The following FGL1 variants were observed in gnomAD, a reference collection of about 807,000 sequenced individuals.
FGL1 encodes the protein fibrinogen-like protein 1.
FGL1 carries 59 observed loss-of-function variants against 43.7 expected under a neutral mutation model. The ratio of observed to expected loss-of-function variants is 1.35; its 90% confidence interval spans 1.10 to 1.68. The LOEUF (loss-of-function observed/expected upper bound fraction) is 1.68. FGL1 is among the 40% of genes most tolerant of loss of function. The pLI, the probability that FGL1 is intolerant of heterozygous loss-of-function variation, is 0.00. For missense variants in FGL1, 596 were observed against 373.0 expected (o/e 1.60, Z -4.92); for synonymous variants, 192 against 126.5 (o/e 1.52, Z -3.48).
At chr8:17,886,592 T>C (rs1034675444) in intron 1 of FGL1, among the ~76,000 whole-genome samples, 2 of 152,014 alleles carry the variant, frequency 1.3e-5, no homozygotes, top group Admixed American at 1.3e-4. Flanking sequence ...ACCCTGTCTC[T>C]ACTAAAAATA....
intron 7 of FGL1, chr8:17,868,250 C>T (rs567285779): frequency 3.5e-5 from 7 of 199,208 alleles, no homozygotes; most frequent in Non-Finnish European, 6.0e-5. Flanking sequence ...TATACATGCT[C>T]TCTCTTTCTT....
At position 17,882,277 on chromosome 8, in the gene FGL1, C is replaced by A; in HGVS notation, c.64-98G>T. The stretch of plus-strand genomic sequence containing the variant: ...ATAAATCAGTGATTCCATTTTGTCT[C>A]CAGTTCCCATTTCAGAATATTATTC... On this transcript the variant is annotated intron_variant, in intron 2 of 7. Transcript: ENST00000427924. 4 of 1,110,334 alleles carry A rather than the reference C, an allele frequency of 3.6e-6. No individual in the cohort carries two copies. In the South Asian group the frequency reaches 7.0e-5, roughly 20 times the overall value. The allele number at this position is 1,110,334 out of a possible 1,614,324, so 68.8% of individuals were successfully genotyped here. A position where few individuals can be genotyped will look rare whatever the true frequency, so the allele number is the denominator to read the frequency against.
rs2053707346 is a variant in FGL1, at chr8:17,891,700, C to T, written c.-18+3747G>A. On this transcript the variant is annotated intron_variant, in intron 1 of 7. Transcript: ENST00000427924. ...GTAAACCTGAATTAGAATTGTAGAA[C>T]TTCCCAGGATCTGTTATTGTAATTT... 8.1e-6 allele frequency: 8 copies of T among 985,108 alleles called. 1 individual carries two copies. In the Admixed American group the frequency reaches 2.5e-4, roughly 30 times the overall value. 61.0% of individuals were successfully genotyped at this position (985,108 alleles called of 1,614,324 possible).
intron 7 of FGL1, among the ~76,000 whole-genome samples, chr8:17,865,037 C>T (rs1269168774): frequency 6.6e-6 from 1 of 151,970 alleles, no homozygotes; most frequent in African/African-American, 2.4e-5. Flanking sequence ...CCTCCTGCCT[C>T]AGCCTTCCAA....
chr8:17,892,535 G>A (rs922070895), intron 1 of FGL1, among the ~76,000 whole-genome samples: 4 of 152,060 alleles, frequency 2.6e-5, no homozygotes, highest in Admixed American at 2.0e-4. Context: ...CACTAGTCTG[G>A]GAAATCAGCA....
chr8:17,882,909 T>C (rs1367649769), intron 2 of FGL1, among the ~76,000 whole-genome samples: 4 of 100,076 alleles, frequency 4.0e-5, no homozygotes, highest in South Asian at 5.5e-4. Context: ...ATATATTAAA[T>C]AATATATAAT....
intron 1 of FGL1, among the ~76,000 whole-genome samples, chr8:17,886,315 A>G (rs1306728542): frequency 1.3e-5 from 2 of 152,206 alleles, no homozygotes; most frequent in Non-Finnish European, 2.9e-5. Flanking sequence ...TTTTGGTTTG[A>G]TTGAACACAT....
intron 7 of FGL1, among the ~76,000 whole-genome samples, chr8:17,866,457 T>C (rs1378548751): frequency 6.6e-6 from 1 of 152,236 alleles, no homozygotes; most frequent in Non-Finnish European, 1.5e-5. Flanking sequence ...GAAGAAAAGA[T>C]GATAGTCGAA....
At chr8:17,892,985 G>C (rs1009428508) in intron 1 of FGL1, among the ~76,000 whole-genome samples, 4 of 152,088 alleles carry the variant, frequency 2.6e-5, no homozygotes, top group Non-Finnish European at 5.9e-5. Context: ...AGATCACTTG[G>C]GTCAGGAGTT....
intron 1 of FGL1, among the ~76,000 whole-genome samples, chr8:17,890,717 G>C (rs2053691581): frequency 6.6e-6 from 1 of 152,118 alleles, no homozygotes; most frequent in South Asian, 2.1e-4. Context: ...GCCATGACTG[G>C]GGAGGCCCCA....
chr8:17,878,146 C>T (rs1287316799), intron 3 of FGL1, among the ~76,000 whole-genome samples: 1 of 151,974 alleles, frequency 6.6e-6, no homozygotes, highest in Non-Finnish European at 1.5e-5. Flanking sequence ...GTGTTAGAGT[C>T]TCACTATGTT....
rs146098986 is a variant in FGL1 at position 17,868,620 on chromosome 8, G to C, written c.707C>G (p.Thr236Arg). ...WASHQRMKFSTWDRDHDNYEG... is the reference protein window; with the variant it reads ...WASHQRMKFSRWDRDHDNYEG... ...ATAGTTGTCATGATCTCTGTCCCACGTGCTGAATTTCATTCTTTGGTGACT... is the reference window on the plus strand; with the variant it reads ...ATAGTTGTCATGATCTCTGTCCCACCTGCTGAATTTCATTCTTTGGTGACT... The change falls in exon 7 of 8, where the codon ACG becomes AGG. Residue 236 changes from threonine (T) to arginine (R), a missense_variant. By Grantham distance (71) the Thr-to-Arg change is moderately conservative. Transcript: ENST00000427924. 5 of 1,613,808 alleles carry C rather than the reference G, an allele frequency of 3.1e-6. No homozygotes were observed. Among genetic ancestry groups the C allele is most frequent in the Non-Finnish European group, 4.2e-6 (5 of 1,179,968 alleles).
At chr8:17,865,431 CCTT>C in intron 7 of FGL1, among the ~76,000 whole-genome samples, 1 of 152,258 alleles carries the variant, frequency 6.6e-6, no homozygotes, top group Non-Finnish European at 1.5e-5. Flanking sequence ...CCGTATGTCC[CCTT>C]CTTTAAATTG....
chr8:17,877,962 T>C (rs2053481102), intron 3 of FGL1, among the ~76,000 whole-genome samples: 2 of 152,158 alleles, frequency 1.3e-5, no homozygotes, highest in African/African-American at 4.8e-5. Context: ...ACTCATTTTA[T>C]TTTGTTTATT....
chr8:17,889,380 T>C lies in FGL1; in HGVS notation c.-17-3809A>G, dbSNP rs35966695. Among the ~76,000 whole-genome samples, 569 of 152,178 alleles carry C rather than the reference T, an allele frequency of 3.7e-3. 4 individuals carry two copies. Among genetic ancestry groups the C allele is most frequent in the African/African-American group, 0.013 (527 of 41,508 alleles). On this transcript the variant is annotated intron_variant, in intron 1 of 7. Transcript: ENST00000427924. Reference sequence around the variant, plus strand: ...GCCTGGCCAACATGATAAAACTCCATCGCTACTAAAAATACAAAAATTAGC... The same window carrying C: ...GCCTGGCCAACATGATAAAACTCCACCGCTACTAAAAATACAAAAATTAGC...
upstream of FGL1, chr8:17,895,527 G>A (rs191433130): frequency 3.9e-6 from 5 of 1,286,634 alleles, no homozygotes; most frequent in African/African-American, 7.6e-5. Flanking sequence ...ACTGCATTGG[G>A]AATTTGTAAT....
chr8:17,873,818 A>G (rs984064363), intron 5 of FGL1, among the ~76,000 whole-genome samples: 8 of 151,380 alleles, frequency 5.3e-5, no homozygotes, highest in Admixed American at 6.6e-5. Context: ...ATTCCCCGCA[A>G]CCCAATTCTA....
At chr8:17,887,460 G>A (rs993675986) in intron 1 of FGL1, among the ~76,000 whole-genome samples, 13 of 152,200 alleles carry the variant, frequency 8.5e-5, no homozygotes, top group African/African-American at 3.1e-4. Flanking sequence ...ATGGTCTAAA[G>A]AGAAACACCA....
chr8:17,873,428 G>T (rs1197970659), intron 5 of FGL1, among the ~76,000 whole-genome samples: 1 of 152,032 alleles, frequency 6.6e-6, no homozygotes, highest in Non-Finnish European at 1.5e-5. Context: ...TCATAAGCAA[G>T]CCCAGCCATG....
Sources: gnomAD v4.1 joint callset for allele counts (sites outside exome capture counted in the v4.1 genomes callset) on GRCh38, gnomAD v4.1.1 for gene constraint, MANE v1.5 for transcripts, NCBI Gene and HGNC (gene_info 2026-07-23, HGNC 2026-07-21) for gene names.